The following PFKM variants were observed in gnomAD, a reference collection of about 807,000 sequenced individuals.
The protein encoded by PFKM is ATP-dependent 6-phosphofructokinase, muscle type.
PFKM carries 58 observed loss-of-function variants against 95.5 expected under a neutral mutation model. That is an observed-to-expected ratio of 0.61 (90% CI 0.49 to 0.76). PFKM has a LOEUF of 0.76. Among genes scored for constraint, PFKM ranks in the 30% least tolerant of loss-of-function variants. PFKM has a pLI of 0.00. For missense variants in PFKM, 678 were observed against 1,005.4 expected (o/e 0.67, Z 4.40); for synonymous variants, 336 against 357.2 (o/e 0.94, Z 0.67).
At chr12:48,123,689 A>G (rs543030294) in intron 2 of PFKM, among the ~76,000 whole-genome samples, 6 of 152,352 alleles carry the variant, frequency 3.9e-5, no homozygotes, top group South Asian at 2.1e-4. Flanking sequence ...CACTGTTCCT[A>G]GGCTTTTTTA....
chr12:48,142,227 C>T (rs1454131189), intron 17 of PFKM, 161 bp downstream of exon 17: 6 of 770,868 alleles, frequency 7.8e-6, no homozygotes, highest in Non-Finnish European at 4.4e-6. Flanking sequence ...AATCCCAGCA[C>T]TTTGGGAGGC....
At chr12:48,126,445 C>T (rs1948842643) in intron 2 of PFKM, among the ~76,000 whole-genome samples, 1 of 152,154 alleles carries the variant, frequency 6.6e-6, no homozygotes, top group Non-Finnish European at 1.5e-5. Context: ...GGATGAATGA[C>T]TTCTGGAAGT....
Position 48,139,278 on chromosome 12 carries a change from C to A in PFKM, c.1063-7C>A, listed in dbSNP as rs776228408. 1.2e-6 allele frequency: 2 copies of A among 1,612,080 alleles called. No individual in the cohort carries two copies. Among genetic ancestry groups the A allele is most frequent in the African/African-American group, 2.7e-5 (2 of 74,830 alleles). On this transcript the variant is annotated splice_polypyrimidine_tract_variant and splice_region_variant and intron_variant, in intron 11 of 22. Coordinates refer to ENST00000359794, the MANE Select transcript of PFKM (RefSeq NM_000289.6). ...GAGTTGAAACTGTCGCTGTGCTCCC[C>A]CCTCAGACCAAAGATGTGACCAAGG...
intron 2 of PFKM, among the ~76,000 whole-genome samples, chr12:48,128,484 G>C (rs1565875049): frequency 1.3e-5 from 2 of 152,172 alleles, no homozygotes; most frequent in East Asian, 3.9e-4. Context: ...CTTTATCTTG[G>C]TATTCCCAGA....
chr12:48,145,797 T>C lies in PFKM; in HGVS notation c.*89T>C, dbSNP rs1246709201. On this transcript the variant is annotated 3_prime_UTR_variant, in exon 23 of 23. Coordinates refer to ENST00000359794, the MANE Select transcript of PFKM (RefSeq NM_000289.6). The surrounding 1 kb of genome is among the most constrained non-coding windows in gnomAD (Gnocchi z 4.3). ...CATCTTCTCAGTGTTTTAGCTGTTTTTTTCATTAGGTTTCCTTTTATTCTG... is the reference window on the plus strand; with the variant it reads ...CATCTTCTCAGTGTTTTAGCTGTTTCTTTCATTAGGTTTCCTTTTATTCTG... The C allele has an allele frequency of 7.0e-7, 1 of 1,434,732 alleles. No homozygotes were observed. The highest frequency in any genetic ancestry group is 9.8e-7 in the Non-Finnish European group (1 of 1,019,488). 88.9% of individuals were successfully genotyped at this position (1,434,732 alleles called of 1,614,324 possible). A position where few individuals can be genotyped will look rare whatever the true frequency, so the allele number is the denominator to read the frequency against.
At chr12:48,129,206 C>CTTTCT (rs1949165975) in intron 2 of PFKM, among the ~76,000 whole-genome samples, 1 of 46,060 alleles carries the variant, frequency 2.2e-5, no homozygotes, top group Non-Finnish European at 4.5e-5. Flanking sequence ...TTTTAATTTT[C>CTTTCT]TTTCTTTTTT....
At chr12:48,114,431 A>G (rs2137653047), upstream of PFKM, among the ~76,000 whole-genome samples, 1 of 152,288 alleles carries the variant, frequency 6.6e-6, no homozygotes, top group East Asian at 1.9e-4. Flanking sequence ...AGCTAGTCCT[A>G]GGACGAAACT....
At chr12:48,120,522 G>A (rs1948147003) in intron 1 of PFKM, among the ~76,000 whole-genome samples, 1 of 152,190 alleles carries the variant, frequency 6.6e-6, no homozygotes, top group Non-Finnish European at 1.5e-5. Context: ...ATCCAGTCCA[G>A]TGGTTGGCAA....
chr12:48,106,159 G>A (rs1250767665), intron 1 of PFKM: 2 of 701,548 alleles, frequency 2.9e-6, no homozygotes, highest in East Asian at 2.7e-5. Context: ...GGAGGGGGCT[G>A]GGGCAGGAGG....
At chr12:48,112,192 A>G (rs1947251876) in intron 3 of PFKM, among the ~76,000 whole-genome samples, 1 of 151,334 alleles carries the variant, frequency 6.6e-6, no homozygotes, top group Admixed American at 6.6e-5. Flanking sequence ...GCTGTCTTTA[A>G]GGAACAGAAA....
At chr12:48,143,541 C>G (rs1950762249) in intron 18 of PFKM, among the ~76,000 whole-genome samples, 1 of 152,176 alleles carries the variant, frequency 6.6e-6, no homozygotes, top group South Asian at 2.1e-4. Flanking sequence ...CTGTAGTGCT[C>G]CCTCTTCCAG....
At chr12:48,106,792 T>C (rs1057313742) in intron 1 of PFKM, among the ~76,000 whole-genome samples, 1 of 152,164 alleles carries the variant, frequency 6.6e-6, no homozygotes, top group Non-Finnish European at 1.5e-5. Context: ...CTGGAGGAAT[T>C]TGAAACAGGC....
At chr12:48,121,689 A>G (rs537127899) in intron 1 of PFKM, among the ~76,000 whole-genome samples, 41 of 152,302 alleles carry the variant, frequency 2.7e-4, no homozygotes, top group African/African-American at 9.4e-4. Flanking sequence ...TTGTGTGTCT[A>G]ATAGAGTGAA....
At chr12:48,144,392 A>T (rs1230398238) in intron 20 of PFKM, among the ~76,000 whole-genome samples, 1 of 152,142 alleles carries the variant, frequency 6.6e-6, no homozygotes, top group Non-Finnish European at 1.5e-5. Flanking sequence ...CCCTCATGGG[A>T]GGGCTTTTCA....
chr12:48,138,879 A>G (rs1950333719), intron 11 of PFKM, among the ~76,000 whole-genome samples: 1 of 151,944 alleles, frequency 6.6e-6, no homozygotes, highest in South Asian at 2.1e-4. Flanking sequence ...ATGGTGAAAA[A>G]TACCAAAAAA....
rs540671161 is a variant in PFKM, at chr12:48,110,686, T to C, written c.205+2492T>C. Among the ~76,000 whole-genome samples the C allele has an allele frequency of 5.3e-5, 8 of 152,344 alleles. No homozygotes were observed. The South Asian group carries it at 1.7e-3, about 32-fold the overall frequency. ...GCTCCTTGTTCTAAGTGCAGTTGTA[T>C]ATGGAGATTCTGTGCTCTAGTCCTT... On this transcript the variant is annotated intron_variant, in intron 3 of 24. Coordinates refer to the PFKM transcript ENST00000340802.
chr12:48,144,258 C>A (rs541320351), intron 20 of PFKM, 101 bp downstream of exon 20: 17 of 799,296 alleles, frequency 2.1e-5, no homozygotes, highest in Non-Finnish European at 3.3e-5. Context: ...CTTTTCCAGT[C>A]TTCTGGAGGA....
At chr12:48,137,396 G>A (rs1031155755) in intron 10 of PFKM, 8 of 391,878 alleles carry the variant, frequency 2.0e-5, no homozygotes, top group Non-Finnish European at 3.9e-5. Context: ...TATCTTCACT[G>A]GAAGAGCAAA....
chr12:48,140,936 G>A (rs1260487195), intron 14 of PFKM, 65 bp downstream of exon 14: 1 of 1,558,894 alleles, frequency 6.4e-7, no homozygotes, highest in Non-Finnish European at 8.8e-7. Context: ...AGAATGACCT[G>A]TCCATTCTCT....
Sources: allele counts gnomAD v4.1 joint callset (sites outside exome capture counted in the v4.1 genomes callset), GRCh38; gene constraint gnomAD v4.1.1; non-coding constraint Gnocchi (gnomAD v3.1); transcripts MANE v1.5; gene names NCBI Gene and HGNC (gene_info 2026-07-23, HGNC 2026-07-21).